The following RSPH14 variants were observed in gnomAD, a reference collection of about 807,000 sequenced individuals.
RSPH14 encodes radial spoke head 14 homolog.
Under a neutral mutation model 26.7 loss-of-function variants are expected in RSPH14, and 20 were observed. The observed-to-expected ratio is 0.75, with a 90% CI of 0.53 to 1.09. The LOEUF (loss-of-function observed/expected upper bound fraction) is 1.09. Ranked by LOEUF, RSPH14 falls within the 50% of genes least tolerant of loss-of-function variation. RSPH14 has a pLI of 0.00. For missense variants in RSPH14, 449 were observed against 457.2 expected (o/e 0.98, Z 0.16); for synonymous variants, 177 against 189.3 (o/e 0.93, Z 0.53).
intron 3 of RSPH14, chr22:23,137,728 G>A (rs1274761770): frequency 5.6e-6 from 1 of 177,848 alleles, no homozygotes; most frequent in Non-Finnish European, 1.2e-5. Flanking sequence ...TTATCCGAAA[G>A]ACCTGGGCCA....
At chr22:23,158,960 G>A in the RSPH14 span, 13 of 1,614,074 alleles carry the variant, frequency 8.1e-6, no homozygotes, top group African/African-American at 1.7e-4. Flanking sequence ...TTCCTCGTGG[G>A]AACCAAGAAG....
intron 4 of RSPH14, among the ~76,000 whole-genome samples, chr22:23,080,209 G>A (rs1222864904): frequency 6.6e-6 from 1 of 152,312 alleles, no homozygotes; most frequent in East Asian, 1.9e-4. Flanking sequence ...GAAATATCTG[G>A]CTTGATTTCC....
chr22:23,093,120 A>T (rs747664562), intron 4 of RSPH14, among the ~76,000 whole-genome samples: 13 of 152,218 alleles, frequency 8.5e-5, no homozygotes, highest in Admixed American at 8.5e-4. Flanking sequence ...TATCATGTAC[A>T]TGTCATCTTT....
rs907069576 is a variant in RSPH14 at position 23,081,885 on chromosome 22, G to C, written c.422-17752C>G. On this transcript the variant is annotated intron_variant, in intron 4 of 6. Coordinates refer to ENST00000216036, the MANE Select transcript of RSPH14 (RefSeq NM_014433.3). ...TCACGCCTGTAATCCCAGCACTTTG[G>C]GGGGCCGAGGCGGGCGGATCACGAG... Among the ~76,000 whole-genome samples, 21 of 151,482 alleles carry C rather than the reference G, an allele frequency of 1.4e-4. No homozygotes were observed. In the East Asian group the frequency reaches 2.9e-3, roughly 21 times the overall value.
At chr22:23,166,680 G>A in the RSPH14 span, among the ~76,000 whole-genome samples, 1 of 152,156 alleles carries the variant, frequency 6.6e-6, no homozygotes, top group Admixed American at 6.5e-5. Context: ...GCCTTGGAAT[G>A]AGTGCACGGC....
chr22:23,148,158 C>G (rs144708276), upstream of RSPH14, among the ~76,000 whole-genome samples: 1,023 of 152,162 alleles, frequency 6.7e-3, 6 homozygotes, highest in Non-Finnish European at 9.0e-3. Flanking sequence ...CTTCCTCCTT[C>G]CCCCTTCTTT....
At position 23,123,863 on chromosome 22, in the gene RSPH14, C is replaced by T. The variant is rs1306626725; in HGVS notation, c.421+10163G>A. 4 of 219,770 alleles carry T rather than the reference C, an allele frequency of 1.8e-5. No homozygotes were observed. In the East Asian group the frequency reaches 3.3e-4, roughly 18 times the overall value. 13.6% of individuals were successfully genotyped at this position (219,770 alleles called of 1,614,324 possible). A position where few individuals can be genotyped will look rare whatever the true frequency, so the allele number is the denominator to read the frequency against. On this transcript the variant is annotated intron_variant, in intron 4 of 6. Transcript: ENST00000216036. ...CCTGTCGCCTGGAGGAGGGCCAGCTCGCTGCCCGAGCTCTGGCCTAGGGAC... is the reference window on the plus strand; with the variant it reads ...CCTGTCGCCTGGAGGAGGGCCAGCTTGCTGCCCGAGCTCTGGCCTAGGGAC...
At chr22:23,126,400 C>T (rs1023542047) in intron 4 of RSPH14, among the ~76,000 whole-genome samples, 10 of 152,206 alleles carry the variant, frequency 6.6e-5, no homozygotes, top group South Asian at 2.1e-4. Flanking sequence ...TGCCTTGTTC[C>T]GCTCTTGCCC....
intron 4 of RSPH14, chr22:23,096,345 A>C: frequency 6.2e-7 from 1 of 1,613,668 alleles, no homozygotes; most frequent in Admixed American, 1.7e-5. Context: ...CACTGCTTCG[A>C]GGGCGTCACA....
At chr22:23,163,612 C>CCCCG in the RSPH14 span, 1 of 147,652 alleles carries the variant, frequency 6.8e-6, no homozygotes, top group African/African-American at 2.4e-5. Context: ...GAAAGCCCCC[C>CCCCG]CCCCGCCACA....
chr22:23,175,171 T>C, the RSPH14 span, among the ~76,000 whole-genome samples: 1 of 151,950 alleles, frequency 6.6e-6, no homozygotes, highest in Non-Finnish European at 1.5e-5. Flanking sequence ...AATTTGTTTT[T>C]GTATTTTTAG....
At chr22:23,125,771 C>T (rs753053254) in intron 4 of RSPH14, among the ~76,000 whole-genome samples, 4 of 152,196 alleles carry the variant, frequency 2.6e-5, no homozygotes, top group South Asian at 4.1e-4. Flanking sequence ...GGAGCAGAGA[C>T]GCTGATCTTT....
intron 4 of RSPH14, among the ~76,000 whole-genome samples, chr22:23,080,988 G>A (rs943363505): frequency 2.0e-5 from 3 of 152,204 alleles, no homozygotes; most frequent in African/African-American, 7.2e-5. Flanking sequence ...CTTTGAGTCC[G>A]TTGTGATTGT....
upstream of RSPH14, chr22:23,145,566 C>T (rs1162234941): frequency 6.3e-7 from 1 of 1,595,296 alleles, no homozygotes; most frequent in Non-Finnish European, 8.5e-7. Flanking sequence ...GTCAGCTCGC[C>T]CACTCTGTCC....
the RSPH14 span, chr22:23,158,936 G>C: frequency 2.5e-5 from 40 of 1,614,104 alleles, no homozygotes; most frequent in Non-Finnish European, 1.3e-5. Context: ...AACGAGGCAG[G>C]CTCCTGCTTC....
intron 4 of RSPH14, among the ~76,000 whole-genome samples, chr22:23,064,944 C>T (rs1202249895): frequency 2.0e-5 from 3 of 152,124 alleles, no homozygotes; most frequent in Admixed American, 2.0e-4. Context: ...GCAGAACAGC[C>T]CTCCTGAGTC....
intron 5 of RSPH14, 81 bp from the exon 6 acceptor site, chr22:23,062,026 C>A (rs534950223): frequency 1.1e-4 from 166 of 1,544,554 alleles, no homozygotes; most frequent in Non-Finnish European, 1.4e-4. Context: ...CAGGGAGACA[C>A]AAAAGAAATA....
chr22:23,137,200 C>T (rs2070498130), intron 3 of RSPH14, among the ~76,000 whole-genome samples: 4 of 138,606 alleles, frequency 2.9e-5, no homozygotes, highest in Admixed American at 1.5e-4. Context: ...TCAAGCAATT[C>T]TTGTGCCTCA....
chr22:23,152,893 C>A, the RSPH14 span: 1 of 672,194 alleles, frequency 1.5e-6, no homozygotes, highest in Non-Finnish European at 2.6e-6. Context: ...GGCTGCCCTG[C>A]CCACCCATGG....
Sources: gnomAD v4.1 joint callset for allele counts (sites outside exome capture counted in the v4.1 genomes callset) on GRCh38, gnomAD v4.1.1 for gene constraint, MANE v1.5 for transcripts, NCBI Gene and HGNC (gene_info 2026-07-23, HGNC 2026-07-21) for gene names.